The following RBMS1 variants were observed in gnomAD, a reference collection of about 807,000 sequenced individuals.
The protein encoded by RBMS1 is RNA binding motif single stranded interacting protein 1, also known as RNA-binding motif, single-stranded-interacting protein 1.
In RBMS1, 17 loss-of-function variants were observed where a neutral mutation model predicts 62.3. The observed-to-expected ratio is 0.27, with a 90% CI of 0.19 to 0.41. The LOEUF (loss-of-function observed/expected upper bound fraction) is 0.41, where lower values mean the gene tolerates loss of function less well. RBMS1 is among the 10% of genes least tolerant of loss of function. RBMS1 has a pLI of 1.00. For missense variants in RBMS1, 334 were observed against 504.5 expected, an observed-to-expected ratio of 0.66 and a Z score of 3.24; for synonymous variants, 172 against 170.0, an observed-to-expected ratio of 1.01 and a Z score of -0.09.
intron 6 of RBMS1, among the ~76,000 whole-genome samples, chr2:160,288,682 G>GT (rs1404690263): frequency 6.6e-6 from 1 of 152,176 alleles, no homozygotes; most frequent in Non-Finnish European, 1.5e-5. Context: ...ATTTGAGGTT[G>GT]TAAGATGTTG....
At chr2:160,315,081 T>TG (rs1468901626) in intron 3 of RBMS1, among the ~76,000 whole-genome samples, 1 of 152,250 alleles carries the variant, frequency 6.6e-6, no homozygotes, top group Non-Finnish European at 1.5e-5. Flanking sequence ...TTTGATGTTA[T>TG]TGTATTTGAA....
intron 1 of RBMS1, among the ~76,000 whole-genome samples, chr2:160,387,695 C>T (rs964593107): frequency 1.3e-5 from 2 of 152,112 alleles, no homozygotes; most frequent in Non-Finnish European, 2.9e-5. Flanking sequence ...TCAATATATG[C>T]TCAGGAATCT....
chr2:160,376,548 T>C (rs1694009193), intron 1 of RBMS1, among the ~76,000 whole-genome samples: 2 of 152,224 alleles, frequency 1.3e-5, no homozygotes, highest in African/African-American at 2.4e-5. Context: ...ATATCTGATA[T>C]GAATAATTAG....
chr2:160,331,531 T>C (rs2105983852), intron 2 of RBMS1, among the ~76,000 whole-genome samples: 1 of 152,306 alleles, frequency 6.6e-6, no homozygotes, highest in Non-Finnish European at 1.5e-5. Context: ...TTCCTCCTCG[T>C]ATATGAGGCC....
chr2:160,417,719 C>T (rs1262397570), intron 1 of RBMS1, among the ~76,000 whole-genome samples: 2 of 152,206 alleles, frequency 1.3e-5, no homozygotes, highest in African/African-American at 4.8e-5. Flanking sequence ...ATCTATAAAG[C>T]ATGGCATACA....
intron 1 of RBMS1, among the ~76,000 whole-genome samples, chr2:160,383,321 T>G (rs1694377363): frequency 6.6e-6 from 1 of 152,004 alleles, no homozygotes; most frequent in Non-Finnish European, 1.5e-5. Flanking sequence ...TCCTATCCTC[T>G]TCTTGAAAGG....
chr2:160,324,882 G>GTGTGTATA (rs1206910746), intron 2 of RBMS1, among the ~76,000 whole-genome samples: 6 of 100,008 alleles, frequency 6.0e-5, no homozygotes, highest in African/African-American at 1.7e-4. Flanking sequence ...GTGTGTGTGT[G>GTGTGTATA]TATATATATA....
chr2:160,374,646 T>A (rs1347711237), intron 1 of RBMS1, among the ~76,000 whole-genome samples: 2 of 152,028 alleles, frequency 1.3e-5, no homozygotes, highest in African/African-American at 4.8e-5. Context: ...ATAAAAAAAA[T>A]TGGCTGGGCA....
At chr2:160,446,884 T>G (rs1683675083) in intron 1 of RBMS1, among the ~76,000 whole-genome samples, 1 of 152,182 alleles carries the variant, frequency 6.6e-6, no homozygotes, top group Non-Finnish European at 1.5e-5. Flanking sequence ...CTACTGCCGC[T>G]GCACCCTGGC....
At chr2:160,310,192 T>C (rs954305298) in intron 4 of RBMS1, among the ~76,000 whole-genome samples, 7 of 152,206 alleles carry the variant, frequency 4.6e-5, no homozygotes, top group Non-Finnish European at 8.8e-5. Context: ...TTCCCTAAAA[T>C]GTAACTAAAT....
intron 1 of RBMS1, among the ~76,000 whole-genome samples, chr2:160,491,192 C>T (rs1685812825): frequency 6.6e-6 from 1 of 152,108 alleles, no homozygotes; most frequent in Non-Finnish European, 1.5e-5. Flanking sequence ...AAGATGTCCC[C>T]TTCTGAGATA....
At chr2:160,339,334 T>A (rs74843684) in intron 2 of RBMS1, among the ~76,000 whole-genome samples, 11,599 of 152,276 alleles carry the variant, frequency 0.076, 623 homozygotes, top group South Asian at 0.19. Context: ...GTTATTTTAA[T>A]AACATTCAAG....
chr2:160,382,475 T>C (rs751424237), intron 1 of RBMS1, among the ~76,000 whole-genome samples: 2 of 152,200 alleles, frequency 1.3e-5, no homozygotes, highest in East Asian at 1.9e-4. Flanking sequence ...AGAAAAAAAT[T>C]TGAGTCCTAA....
At position 160,273,096 on chromosome 2, in the gene RBMS1, T is replaced by C. The variant is rs1283392070; in HGVS notation, c.*1676A>G. 2.6e-5 allele frequency: 4 copies of C among 152,238 alleles called. No homozygotes were observed. The highest frequency in any genetic ancestry group is 9.6e-5 in the African/African-American group (4 of 41,466). 9.4% of individuals were successfully genotyped at this position (152,238 alleles called of 1,614,324 possible). A position where few individuals can be genotyped will look rare whatever the true frequency, so the allele number is the denominator to read the frequency against. The stretch of plus-strand genomic sequence containing the variant: ...TTAATTTACCATTGCTTTTAAAACA[T>C]ATGCAATTGCCTTAATAAAAGAGCT... On this transcript the variant is annotated 3_prime_UTR_variant, in exon 14 of 14. Transcript: ENST00000348849.
At chr2:160,360,031 G>A (rs748367452) in intron 2 of RBMS1, among the ~76,000 whole-genome samples, 19 of 152,128 alleles carry the variant, frequency 1.2e-4, no homozygotes, top group Non-Finnish European at 1.6e-4. Flanking sequence ...AGGTTGCAGT[G>A]AGCTGATCAC....
rs1041909292 is a variant in RBMS1 at position 160,304,636 on chromosome 2, A to G, written c.403-1149T>C. Among the ~76,000 whole-genome samples the G allele has an allele frequency of 5.3e-5, 8 of 152,306 alleles. No individual in the cohort carries two copies. In the East Asian group the frequency reaches 9.7e-4, roughly 18 times the overall value. ...TGTAGCCCTGGCTAATGTGTGTGTT[A>G]GTGTCTTAGTTTTTTATAAAAAAGT... On this transcript the variant is annotated intron_variant, in intron 4 of 13. Coordinates refer to ENST00000348849, the MANE Select transcript of RBMS1 (RefSeq NM_016836.4).
At chr2:160,450,323 C>G (rs149638228) in intron 1 of RBMS1, among the ~76,000 whole-genome samples, 83 of 152,168 alleles carry the variant, frequency 5.5e-4, no homozygotes, top group African/African-American at 1.9e-3. Flanking sequence ...GGTGGATCAC[C>G]TGAGGTCAGG....
At chr2:160,491,750 G>A (rs1273781085) in intron 1 of RBMS1, among the ~76,000 whole-genome samples, 1 of 152,158 alleles carries the variant, frequency 6.6e-6, no homozygotes, top group South Asian at 2.1e-4. Flanking sequence ...TATCTAAAAG[G>A]TAGTGCATTG....
chr2:160,441,312 G>A (rs1166388687), intron 1 of RBMS1, among the ~76,000 whole-genome samples: 1 of 152,194 alleles, frequency 6.6e-6, no homozygotes, highest in African/African-American at 2.4e-5. Context: ...TAAAAATAAG[G>A]CTGCTAAAAC....
Sources: allele counts gnomAD v4.1 joint callset (sites outside exome capture counted in the v4.1 genomes callset), GRCh38; gene constraint gnomAD v4.1.1; transcripts MANE v1.5; gene names NCBI Gene and HGNC (gene_info 2026-07-23, HGNC 2026-07-21).